The following ATXN7L1 variants were observed in gnomAD, a reference collection of about 807,000 sequenced individuals.
The protein encoded by ATXN7L1 is ataxin 7 like 1.
In ATXN7L1, 15 loss-of-function variants were observed where a neutral mutation model predicts 70.8. The ratio of observed to expected loss-of-function variants is 0.21; its 90% CI spans 0.14 to 0.33. The LOEUF is 0.33. ATXN7L1 is among the 10% of genes least tolerant of loss of function. ATXN7L1 has a pLI of 1.00. For synonymous variants in ATXN7L1, 440 were observed against 445.1 expected, an observed-to-expected ratio of 0.99 and a Z score of 0.14; for missense variants, 975 against 1,097.1, an observed-to-expected ratio of 0.89 and a Z score of 1.57.
At chr7:105,672,567 T>A (rs929294266) in intron 3 of ATXN7L1, among the ~76,000 whole-genome samples, 6 of 152,246 alleles carry the variant, frequency 3.9e-5, no homozygotes, top group Admixed American at 3.9e-4. Context: ...CCTTGAGGTA[T>A]AATTCCTGAG....
intron 4 of ATXN7L1, among the ~76,000 whole-genome samples, chr7:105,650,694 A>G (rs17280272): frequency 0.25 from 38,050 of 152,148 alleles, 5,882 homozygotes; most frequent in Middle Eastern, 0.36. Context: ...TTCATCAGTG[A>G]CTTGGATGAT....
In ATXN7L1 at chr7:105,630,615, G is replaced by A. The variant is rs1196403918; in HGVS notation, c.1203-6348C>T. Among the ~76,000 whole-genome samples the A allele has an allele frequency of 3.9e-5, 6 of 152,140 alleles. No homozygotes were observed. In the East Asian group the frequency reaches 5.8e-4, roughly 15 times the overall value. ...CAGGCACCTATAGTCCCAGCTACTC[G>A]GGAGGCTAAGGTGGGAGGATTGCTT... On this transcript the variant is annotated intron_variant, in intron 7 of 11. Coordinates refer to ENST00000419735, the MANE Select transcript of ATXN7L1 (RefSeq NM_020725.2).
chr7:105,872,588 T>G (rs150117846), intron 2 of ATXN7L1, among the ~76,000 whole-genome samples: 30 of 152,256 alleles, frequency 2.0e-4, no homozygotes, highest in Non-Finnish European at 3.8e-4. Context: ...ATTGTATGAC[T>G]CCACTTATAT....
intron 3 of ATXN7L1, among the ~76,000 whole-genome samples, chr7:105,688,668 G>A (rs1790314563): frequency 6.6e-6 from 1 of 152,176 alleles, no homozygotes; most frequent in African/African-American, 2.4e-5. Context: ...GACTCTTTTC[G>A]CCTCATTTCT....
intron 3 of ATXN7L1, among the ~76,000 whole-genome samples, chr7:105,762,972 T>A (rs989246607): frequency 1.3e-5 from 2 of 152,136 alleles, no homozygotes; most frequent in Non-Finnish European, 2.9e-5. Context: ...GAGGGAGTCA[T>A]CTTAGGAGTG....
chr7:105,717,339 GC>G (rs1794691795), intron 3 of ATXN7L1, among the ~76,000 whole-genome samples: 1 of 152,050 alleles, frequency 6.6e-6, no homozygotes, highest in Non-Finnish European at 1.5e-5. Context: ...TGTTAGTCAG[GC>G]TGGTCTTGAA....
At chr7:105,758,370 C>G (rs148673925) in intron 3 of ATXN7L1, among the ~76,000 whole-genome samples, 1 of 152,376 alleles carries the variant, frequency 6.6e-6, no homozygotes, top group East Asian at 1.9e-4. Context: ...ATTTTCCACA[C>G]ATGAGAAGAT....
chr7:105,730,398 A>T (rs1017043719), intron 3 of ATXN7L1, among the ~76,000 whole-genome samples: 6 of 147,394 alleles, frequency 4.1e-5, no homozygotes, highest in African/African-American at 1.3e-4. Flanking sequence ...AAGTTTATTT[A>T]AAAAAAAAAC....
intron 3 of ATXN7L1, among the ~76,000 whole-genome samples, chr7:105,698,039 A>G (rs1791970508): frequency 6.6e-6 from 1 of 152,192 alleles, no homozygotes; most frequent in African/African-American, 2.4e-5. Context: ...CACAGGATGG[A>G]GACTGAGCTT....
intron 2 of ATXN7L1, among the ~76,000 whole-genome samples, chr7:105,868,222 C>G (rs147764371): frequency 5.3e-5 from 8 of 152,178 alleles, no homozygotes; most frequent in East Asian, 1.9e-4. Context: ...GAGGCCCCCC[C>G]ACCATGACCT....
At chr7:105,755,112 C>G (rs1799654137) in intron 3 of ATXN7L1, among the ~76,000 whole-genome samples, 1 of 152,190 alleles carries the variant, frequency 6.6e-6, no homozygotes, top group African/African-American at 2.4e-5. Context: ...GCCCTCATCG[C>G]CGGTTTCCAG....
At position 105,614,861 on chromosome 7, in the gene ATXN7L1, T is replaced by C. The variant is rs1472537810; in HGVS notation, c.1518-45A>G. The C allele has an allele frequency of 6.6e-7, 1 of 1,516,906 alleles. No homozygotes were observed. The highest frequency in any genetic ancestry group is 8.9e-7 in the Non-Finnish European group (1 of 1,127,918). The allele number at this position is 1,516,906 out of a possible 1,614,324, so 94.0% of individuals were successfully genotyped here. On this transcript the variant is annotated intron_variant, in intron 9 of 11. Transcript: ENST00000419735. The surrounding 1 kb of genome is among the most constrained non-coding windows in gnomAD (Gnocchi z 4.3). The stretch of plus-strand genomic sequence containing the variant: ...GAAAGAGAATCAGTGAGACATCGGG[T>C]TGGCATTGCTCAGGAGGCTCGATGA...
Position 105,700,335 on chromosome 7 carries a change from A to G in ATXN7L1, c.356-35047T>C, listed in dbSNP as rs148091309. On this transcript the variant is annotated intron_variant, in intron 3 of 11. Transcript: ENST00000419735. ...AGCCTGGCCGACATGGTGAAACCCC[A>G]TCTCTACTAAAAATACAAAAAATTA... 5.2e-5 allele frequency among the ~76,000 whole-genome samples: 6 copies of G among 115,304 alleles called. No individual in the cohort carries two copies. In the East Asian group the frequency reaches 1.5e-3, roughly 30 times the overall value. 75.6% of individuals were successfully genotyped at this position (115,304 alleles called of 152,430 possible). A position where few individuals can be genotyped will look rare whatever the true frequency, so the allele number is the denominator to read the frequency against.
At chr7:105,852,726 C>T (rs926849569) in intron 2 of ATXN7L1, among the ~76,000 whole-genome samples, 1 of 151,768 alleles carries the variant, frequency 6.6e-6, no homozygotes, top group East Asian at 1.9e-4. Context: ...GTTTGACCCG[C>T]TCACAGATAG....
At chr7:105,794,587 T>C (rs1805722340) in intron 2 of ATXN7L1, among the ~76,000 whole-genome samples, 1 of 152,250 alleles carries the variant, frequency 6.6e-6, no homozygotes, top group South Asian at 2.1e-4. Flanking sequence ...ATTCATCATG[T>C]ACCATACTGG....
intron 3 of ATXN7L1, among the ~76,000 whole-genome samples, chr7:105,699,865 T>G (rs1467642581): frequency 1.3e-5 from 2 of 152,190 alleles, no homozygotes; most frequent in Non-Finnish European, 2.9e-5. Flanking sequence ...TGTCACTTCT[T>G]TTTATGTGAA....
intron 3 of ATXN7L1, among the ~76,000 whole-genome samples, chr7:105,717,808 G>A (rs1279456680): frequency 6.6e-6 from 1 of 152,112 alleles, no homozygotes; most frequent in Non-Finnish European, 1.5e-5. Flanking sequence ...CAGTGAGGTT[G>A]AACATTTTTC....
At chr7:105,720,242 T>C (rs2002790) in intron 3 of ATXN7L1, among the ~76,000 whole-genome samples, 59,426 of 152,072 alleles carry the variant, frequency 0.39, 12,219 homozygotes, top group East Asian at 0.6. Flanking sequence ...ACAGACAGAA[T>C]TAACACTGCC....
Position 105,695,024 on chromosome 7 carries a change from G to A in ATXN7L1, c.356-29736C>T, listed in dbSNP as rs542076218. Reference sequence around the variant, plus strand: ...AAATTAGTTGGGCGTGGTGGCCGGTGCCTGTAGTCCCAGCTACTCAGGAGG... The same window carrying A: ...AAATTAGTTGGGCGTGGTGGCCGGTACCTGTAGTCCCAGCTACTCAGGAGG... On this transcript the variant is annotated intron_variant, in intron 3 of 11. Coordinates refer to ENST00000419735, the MANE Select transcript of ATXN7L1 (RefSeq NM_020725.2). Among the ~76,000 whole-genome samples the A allele has an allele frequency of 2.2e-3, 335 of 152,270 alleles. 3 individuals are homozygous for A. The highest frequency in any genetic ancestry group is 7.6e-3 in the African/African-American group (317 of 41,542).
Sources: gnomAD v4.1 joint callset for allele counts (sites outside exome capture counted in the v4.1 genomes callset) on GRCh38, gnomAD v4.1.1 for gene constraint, Gnocchi (gnomAD v3.1) non-coding constraint, MANE v1.5 for transcripts, NCBI Gene and HGNC (gene_info 2026-07-23, HGNC 2026-07-21) for gene names.